The following IGLON5 variants were observed in gnomAD, a reference collection of about 807,000 sequenced individuals.
The protein encoded by IGLON5 is IgLON family member 5.
IGLON5 carries 16 observed loss-of-function variants against 38.2 expected under a neutral mutation model. That is an observed-to-expected ratio of 0.42 (90% confidence interval 0.28 to 0.64). The LOEUF (loss-of-function observed/expected upper bound fraction) is 0.64. Among genes scored for constraint, IGLON5 ranks in the 30% least tolerant of loss-of-function variants. The pLI, the probability that IGLON5 is intolerant of heterozygous loss-of-function variation, is 0.23. For synonymous variants in IGLON5, 207 were observed against 216.4 expected (o/e 0.96, Z 0.38); for missense variants, 366 against 483.4 (o/e 0.76, Z 2.28).
chr19:51,313,365 G>C (rs535635794), intron 1 of IGLON5, among the ~76,000 whole-genome samples: 13 of 152,232 alleles, frequency 8.5e-5, no homozygotes, highest in Middle Eastern at 3.4e-3. Context: ...CTTTCCACCT[G>C]CCTCTGTCTC....
At position 51,324,738 on chromosome 19, in the gene IGLON5, C is replaced by T. The variant is rs1356060101; in HGVS notation, c.392-608C>T. On this transcript the variant is annotated intron_variant, in intron 3 of 7. Coordinates refer to ENST00000270642, the MANE Select transcript of IGLON5 (RefSeq NM_001101372.3). This position sits in a 1 kb window ranked among gnomAD's most constrained non-coding sequence, Gnocchi z 4.2. ...AAAGAAAAAACAAAAACACTGCCAG[C>T]GATACCCTGGCATCCTATCTCGAGG... is the stretch of plus-strand genomic sequence containing the variant. Among the ~76,000 whole-genome samples the T allele has an allele frequency of 2.6e-5, 4 of 151,286 alleles. No homozygotes were observed. Among genetic ancestry groups the T allele is most frequent in the African/African-American group, 4.9e-5 (2 of 41,142 alleles).
chr19:51,324,125 T>C lies in IGLON5; in HGVS notation c.391+231T>C, dbSNP rs1985156200. On this transcript the variant is annotated intron_variant, in intron 3 of 7. Transcript: ENST00000270642. This position sits in a 1 kb window ranked among gnomAD's most constrained non-coding sequence, Gnocchi z 4.2. ...GAGAGCTACAGGGATGAGGGGGTGC[T>C]TGGGGGAAGACCACGTTCATTTGTT... Among the ~76,000 whole-genome samples the C allele has an allele frequency of 6.6e-6, 1 of 152,094 alleles. No individual in the cohort carries two copies. The highest frequency in any genetic ancestry group is 1.5e-5 in the Non-Finnish European group (1 of 68,022).
At position 51,327,160 on chromosome 19, in the gene IGLON5, G is replaced by A. The variant is rs770938120; in HGVS notation, c.727G>A (p.Val243Ile). Residue 243 changes from valine (V) to isoleucine (I), a missense_variant, in exon 6 of 8, where the codon GTT becomes ATT. Coordinates refer to ENST00000270642, the MANE Select transcript of IGLON5 (RefSeq NM_001101372.3). This position sits in a 1 kb window ranked among gnomAD's most constrained non-coding sequence, Gnocchi z 7.1. ...CCTCCTGCGCTGCGAAGCCATGGCGGTTCCCCCCGCGGATTTCCAGTGGTA... is the reference window on the plus strand; with the variant it reads ...CCTCCTGCGCTGCGAAGCCATGGCGATTCCCCCCGCGGATTTCCAGTGGTA... ...AALLRCEAMA[V>I]PPADFQWYKD... 5.0e-6 allele frequency: 8 copies of A among 1,612,516 alleles called. No individual in the cohort carries two copies. The highest frequency in any genetic ancestry group is 4.2e-6 in the Non-Finnish European group (5 of 1,179,666).
At chr19:51,316,763 G>T (rs1984936251) in intron 1 of IGLON5, among the ~76,000 whole-genome samples, 1 of 152,080 alleles carries the variant, frequency 6.6e-6, no homozygotes, top group South Asian at 2.1e-4. Flanking sequence ...CAAAGTGCTG[G>T]CATTATAGGC....
chr19:51,327,311 T>C lies in IGLON5; in HGVS notation c.767+111T>C. On this transcript the variant is annotated intron_variant, in intron 6 of 7. Coordinates refer to ENST00000270642, the MANE Select transcript of IGLON5 (RefSeq NM_001101372.3). The surrounding 1 kb of genome is among the most constrained non-coding windows in gnomAD (Gnocchi z 7.1). The stretch of plus-strand genomic sequence containing the variant: ...CGGGGGAAGGCAGCAGAGCTCTGGG[T>C]CCCGAACCTGGGGCGTCCAGCTTCT... 2.1e-6 allele frequency: 3 copies of C among 1,439,546 alleles called. No homozygotes were observed. Among genetic ancestry groups the C allele is most frequent in the Non-Finnish European group, 9.4e-7 (1 of 1,068,134 alleles). The allele number at this position is 1,439,546 out of a possible 1,614,324, so 89.2% of individuals were successfully genotyped here.
intron 4 of IGLON5, among the ~76,000 whole-genome samples, chr19:51,326,017 G>A (rs1244123542): frequency 6.6e-6 from 1 of 152,012 alleles, no homozygotes; most frequent in Non-Finnish European, 1.5e-5. Context: ...AGTGCTCAAG[G>A]TTACCCACAA....
In IGLON5 at chr19:51,327,942, A is replaced by C. The variant is rs1985259654; in HGVS notation, c.922+56A>C. On this transcript the variant is annotated intron_variant, in intron 7 of 7. Transcript: ENST00000270642. This position sits in a 1 kb window ranked among gnomAD's most constrained non-coding sequence, Gnocchi z 7.1. ...GGTGGGCGGGGCCGGGGGCGGGGCT[A>C]GGGAAGTGGAGACGCCGGGACCGCC... 1.4e-5 allele frequency: 20 copies of C among 1,438,412 alleles called. No individual in the cohort carries two copies. The highest frequency in any genetic ancestry group is 2.5e-4 in the Middle Eastern group (1 of 3,932). The allele number at this position is 1,438,412 out of a possible 1,614,324, so 89.1% of individuals were successfully genotyped here.
At chr19:51,315,002 T>C (rs1984881851) in intron 1 of IGLON5, among the ~76,000 whole-genome samples, 2 of 152,090 alleles carry the variant, frequency 1.3e-5, no homozygotes, top group African/African-American at 2.4e-5. Flanking sequence ...TCCCCCAAAA[T>C]AGAAACAAAA....
At chr19:51,319,989 T>C (rs1413771855) in intron 1 of IGLON5, among the ~76,000 whole-genome samples, 3 of 152,082 alleles carry the variant, frequency 2.0e-5, no homozygotes, top group African/African-American at 7.2e-5. Context: ...GGACTATTTC[T>C]AGGCCTGGAG....
At chr19:51,313,635 C>T (rs2063823) in intron 1 of IGLON5, among the ~76,000 whole-genome samples, 5,113 of 111,118 alleles carry the variant, frequency 0.046, 350 homozygotes, top group East Asian at 0.35. Flanking sequence ...CTCTTTTTCT[C>T]TCTCTCTCTC....
intron 2 of IGLON5, among the ~76,000 whole-genome samples, chr19:51,323,280 G>C (rs60619501): frequency 0.042 from 6,121 of 145,358 alleles, 446 homozygotes; most frequent in African/African-American, 0.15. Flanking sequence ...CCCTCTGTGT[G>C]TGTGTGTGTC....
chr19:51,311,852 C>G lies in IGLON5; in HGVS notation c.5C>G (p.Pro2Arg), dbSNP rs765466638. The change falls in exon 1 of 8, where the codon CCC becomes CGC. Residue 2 changes from proline to arginine, a missense_variant. By Grantham distance (103) the Pro-to-Arg change is moderately radical. Coordinates refer to ENST00000270642, the MANE Select transcript of IGLON5 (RefSeq NM_001101372.3). M[P>R]PPAPGARLRL... ...CTCCGCGCCGCCTCTGCCGCGATGC[C>G]CCCCCCTGCGCCCGGGGCCCGGCTC... 37 of 1,300,062 alleles carry G rather than the reference C, an allele frequency of 2.8e-5. No homozygotes were observed. The highest frequency in any genetic ancestry group is 1.7e-4 in the East Asian group (5 of 30,122). The allele number at this position is 1,300,062 out of a possible 1,614,324, so 80.5% of individuals were successfully genotyped here. A position where few individuals can be genotyped will look rare whatever the true frequency, so the allele number is the denominator to read the frequency against.
In IGLON5 at chr19:51,323,655, C is replaced by T; in HGVS notation, c.159-7C>T. 6.2e-7 allele frequency: 1 copy of T among 1,604,376 alleles called. No individual in the cohort carries two copies. Among genetic ancestry groups the T allele is most frequent in the Non-Finnish European group, 8.5e-7 (1 of 1,172,502 alleles). Reference sequence around the variant, plus strand: ...GAGAAAAACCTTCCCACTCATTCTCCCTGCAGCTGCTTCATCGACGAGCAC... The same window carrying T: ...GAGAAAAACCTTCCCACTCATTCTCTCTGCAGCTGCTTCATCGACGAGCAC... On this transcript the variant is annotated splice_region_variant and splice_polypyrimidine_tract_variant and intron_variant, in intron 2 of 7. Transcript: ENST00000270642.
rs1005480082 is a variant in IGLON5, at chr19:51,325,831, G to T, written c.511+366G>T. ...AGCCAGGCTGCACCAGCGGTCCTGC[G>T]TACATCTCTGCCTCTCTCTTCTGCT... On this transcript the variant is annotated intron_variant, in intron 4 of 7. Coordinates refer to ENST00000270642, the MANE Select transcript of IGLON5 (RefSeq NM_001101372.3). This position sits in a 1 kb window ranked among gnomAD's most constrained non-coding sequence, Gnocchi z 5.5. Among the ~76,000 whole-genome samples the T allele has an allele frequency of 7.4e-6, 1 of 134,378 alleles. No homozygotes were observed. The highest frequency in any genetic ancestry group is 1.6e-5 in the Non-Finnish European group (1 of 63,440). 88.2% of individuals were successfully genotyped at this position (134,378 alleles called of 152,430 possible). A position where few individuals can be genotyped will look rare whatever the true frequency, so the allele number is the denominator to read the frequency against.
At chr19:51,316,344 C>CAA (rs552905197) in intron 1 of IGLON5, among the ~76,000 whole-genome samples, 963 of 83,544 alleles carry the variant, frequency 0.012, 18 homozygotes, top group African/African-American at 0.027. Context: ...TACCCTGTCT[C>CAA]AAAAAAAAAA....
chr19:51,316,182 CA>C (rs34549182), intron 1 of IGLON5, among the ~76,000 whole-genome samples: 6,607 of 124,232 alleles, frequency 0.053, 461 homozygotes, highest in African/African-American at 0.17. Context: ...CCCATATCTA[CA>C]AAAAAAAAAA....
In IGLON5 at chr19:51,323,910, G is replaced by A. The variant is rs1424698965; in HGVS notation, c.391+16G>A. On this transcript the variant is annotated intron_variant, in intron 3 of 7. Coordinates refer to ENST00000270642, the MANE Select transcript of IGLON5 (RefSeq NM_001101372.3). ...ATTGTCCACGGTGAGCCCTTGGCCG[G>A]GGCCTGGCTGGGTGGAGGGGTTGAG... The A allele has an allele frequency of 2.6e-6, 4 of 1,568,150 alleles. No homozygotes were observed. In the South Asian group the frequency reaches 4.5e-5, roughly 18 times the overall value.
intron 4 of IGLON5, 108 bp from the exon 5 acceptor site, chr19:51,326,656 A>C: frequency 9.5e-6 from 2 of 210,838 alleles, no homozygotes; most frequent in Non-Finnish European, 1.6e-5. Flanking sequence ...CGGGCACTCC[A>C]GGCCTTGCCG....
At chr19:51,315,569 A>G (rs969340289) in intron 1 of IGLON5, among the ~76,000 whole-genome samples, 1 of 151,930 alleles carries the variant, frequency 6.6e-6, no homozygotes, top group Non-Finnish European at 1.5e-5. Flanking sequence ...AATTTCAGAG[A>G]GTGATGAGTA....
Sources: gnomAD v4.1 joint callset for allele counts (sites outside exome capture counted in the v4.1 genomes callset) on GRCh38, gnomAD v4.1.1 for gene constraint, Gnocchi (gnomAD v3.1) non-coding constraint, MANE v1.5 for transcripts, NCBI Gene and HGNC (gene_info 2026-07-23, HGNC 2026-07-21) for gene names.